The following ABTB3 variants were observed in gnomAD, a reference collection of about 807,000 sequenced individuals.
ABTB3 encodes ankyrin repeat- and BTB/POZ domain-containing protein 3.
chr12:107,336,035 G>A, the ABTB3 span, among the ~76,000 whole-genome samples: 3 of 152,244 alleles, frequency 2.0e-5, no homozygotes, highest in East Asian at 1.9e-4. Context: ...AAGCTTGTTC[G>A]TGTTCCTCCT....
At chr12:107,351,207 C>A in the ABTB3 span, among the ~76,000 whole-genome samples, 1 of 152,238 alleles carries the variant, frequency 6.6e-6, no homozygotes, top group Admixed American at 6.5e-5. Context: ...GATCCTCATT[C>A]CTACCTCATG....
the ABTB3 span, among the ~76,000 whole-genome samples, chr12:107,614,025 C>G: frequency 6.6e-6 from 1 of 152,100 alleles, no homozygotes; most frequent in Admixed American, 6.5e-5. Flanking sequence ...GCAAGGGGTC[C>G]TCAGCATTGG....
At chr12:107,526,983 G>A in the ABTB3 span, among the ~76,000 whole-genome samples, 1 of 151,912 alleles carries the variant, frequency 6.6e-6, no homozygotes, top group Non-Finnish European at 1.5e-5. Flanking sequence ...TTCCACTCAT[G>A]CCCCTACCAC....
At chr12:107,657,247 C>G in the ABTB3 span, among the ~76,000 whole-genome samples, 1 of 152,176 alleles carries the variant, frequency 6.6e-6, no homozygotes, top group Non-Finnish European at 1.5e-5. Context: ...TGTAGTCCAC[C>G]CCCTTGCTTT....
chr12:107,578,383 C>CTTTTTTTTTTTTTTTTTTCT, the ABTB3 span, among the ~76,000 whole-genome samples: 1 of 57,196 alleles, frequency 1.7e-5, no homozygotes, highest in African/African-American at 6.8e-5. Context: ...CTTTCTTCTT[C>CTTTTTTTTTTTTTTTTTTCT]TTTTTTTTTT....
At chr12:107,526,775 T>C in the ABTB3 span, among the ~76,000 whole-genome samples, 1 of 152,144 alleles carries the variant, frequency 6.6e-6, no homozygotes, top group Non-Finnish European at 1.5e-5. Context: ...GTTTTCTGGG[T>C]TGTCTCTCCT....
chr12:107,481,883 GTCTCTCTCTCTCTCTCTCTCTCTC>G, the ABTB3 span, among the ~76,000 whole-genome samples: 9 of 108,242 alleles, frequency 8.3e-5, no homozygotes, highest in Non-Finnish European at 1.1e-4. Context: ...GAAATCAAGA[GTCTCTCTCTCTCTCTCTCTCTCTC>G]TCTCTCTCTC....
chr12:107,523,009 A>T, the ABTB3 span, among the ~76,000 whole-genome samples: 1 of 152,178 alleles, frequency 6.6e-6, no homozygotes, highest in African/African-American at 2.4e-5. Context: ...TTGATTATCA[A>T]TTTAGCTGAA....
At chr12:107,505,140 A>G in the ABTB3 span, among the ~76,000 whole-genome samples, 1 of 152,158 alleles carries the variant, frequency 6.6e-6, no homozygotes, top group Non-Finnish European at 1.5e-5. Context: ...GTATACCTCC[A>G]TTCACCCCTA....
the ABTB3 span, among the ~76,000 whole-genome samples, chr12:107,459,315 A>G: frequency 6.6e-6 from 1 of 152,184 alleles, no homozygotes; most frequent in African/African-American, 2.4e-5. Context: ...CCCATGGTAA[A>G]TTCATTCATT....
At chr12:107,358,983 C>A in the ABTB3 span, among the ~76,000 whole-genome samples, 2 of 152,226 alleles carry the variant, frequency 1.3e-5, no homozygotes, top group Admixed American at 6.5e-5. Flanking sequence ...GGCCTGACTA[C>A]CCCCGAAGAG....
At chr12:107,358,887 G>A in the ABTB3 span, among the ~76,000 whole-genome samples, 1 of 152,140 alleles carries the variant, frequency 6.6e-6, no homozygotes, top group Non-Finnish European at 1.5e-5. Context: ...CCACTGCTCG[G>A]CCTCCACCGT....
chr12:107,389,465 G>A, the ABTB3 span, among the ~76,000 whole-genome samples: 1 of 150,732 alleles, frequency 6.6e-6, no homozygotes, highest in African/African-American at 2.4e-5. Context: ...TCTGACACCT[G>A]AGCCTACACA....
At chr12:107,507,432 G>A in the ABTB3 span, among the ~76,000 whole-genome samples, 7 of 152,252 alleles carry the variant, frequency 4.6e-5, no homozygotes, top group South Asian at 2.1e-4. Context: ...AGAAAGTGCC[G>A]TTCTCTGCCT....
the ABTB3 span, among the ~76,000 whole-genome samples, chr12:107,479,243 C>T: frequency 7.2e-5 from 11 of 151,988 alleles, no homozygotes; most frequent in Admixed American, 7.2e-4. Context: ...TGGCTTTTGC[C>T]ACTGTTTTTT....
the ABTB3 span, among the ~76,000 whole-genome samples, chr12:107,321,761 C>T: frequency 9.2e-3 from 1,403 of 152,194 alleles, 7 homozygotes; most frequent in Non-Finnish European, 0.014. Flanking sequence ...TGTTTGAAAC[C>T]CTACCTCCAC....
chr12:107,386,890 A>AGT, the ABTB3 span, among the ~76,000 whole-genome samples: 6,544 of 143,250 alleles, frequency 0.046, 170 homozygotes, highest in South Asian at 0.071. Flanking sequence ...GGAAATGGAA[A>AGT]GTGTGTGTGT....
At chr12:107,581,096 C>A in the ABTB3 span, 4 of 1,545,332 alleles carry the variant, frequency 2.6e-6, no homozygotes, top group South Asian at 2.4e-5. Context: ...AAGCCGGCAG[C>A]CCCTGCCTCC....
chr12:107,469,954 T>C, the ABTB3 span, among the ~76,000 whole-genome samples: 743 of 64,986 alleles, frequency 0.011, 18 homozygotes, highest in African/African-American at 0.026. Context: ...CTTTCTTTCT[T>C]TCTTTCTTTC....
Sources: gnomAD v4.1 joint callset for allele counts (sites outside exome capture counted in the v4.1 genomes callset) on GRCh38, gnomAD v4.1.1 for gene constraint, MANE v1.5 for transcripts, NCBI Gene and HGNC (gene_info 2026-07-23, HGNC 2026-07-21) for gene names.